Variants in SYN3 observed in about 807,000 individuals in gnomAD.
SYN3 encodes the protein synapsin III.
SYN3 carries 35 observed loss-of-function variants against 65.8 expected under a neutral mutation model. That is an observed-to-expected ratio of 0.53 (90% CI 0.41 to 0.70). SYN3 has a LOEUF of 0.70. Among genes scored for constraint, SYN3 ranks in the 30% least tolerant of loss-of-function variants. The probability of loss-of-function intolerance (pLI) is 0.00; values close to 1 mark genes in which losing one functional copy is unlikely to be tolerated. For synonymous variants in SYN3, 270 were observed against 292.9 expected (o/e 0.92, Z 0.80); for missense variants, 680 against 749.0 (o/e 0.91, Z 1.08).
chr22:32,744,962 A>G (rs1403764279), intron 6 of SYN3, among the ~76,000 whole-genome samples: 1 of 152,186 alleles, frequency 6.6e-6, no homozygotes, highest in African/African-American at 2.4e-5. Context: ...AGCAATGTTT[A>G]CGGGGCACCC....
chr22:32,547,631 T>C (rs2058354395), intron 7 of SYN3, among the ~76,000 whole-genome samples: 1 of 152,186 alleles, frequency 6.6e-6, no homozygotes, highest in Non-Finnish European at 1.5e-5. Context: ...GCATGTGTGC[T>C]CTGTCCTGAG....
chr22:32,664,584 C>CGTTTTT, intron 6 of SYN3, among the ~76,000 whole-genome samples: 1 of 69,056 alleles, frequency 1.4e-5, no homozygotes, highest in African/African-American at 7.4e-5. Flanking sequence ...CAATTGGTCG[C>CGTTTTT]TTTTTTTTTT....
chr22:32,781,047 CCCTCCCTCCCTCCCTT>C (rs146482803), intron 6 of SYN3, among the ~76,000 whole-genome samples: 69,041 of 118,590 alleles, frequency 0.58, 20,391 homozygotes, highest in East Asian at 0.88. Flanking sequence ...TCTTTCCCCT[CCCTCCCTCCCTCCCTT>C]CCTCCCTCCC....
intron 6 of SYN3, among the ~76,000 whole-genome samples, chr22:32,839,757 C>T (rs561909693): frequency 6.6e-6 from 1 of 152,294 alleles, no homozygotes; most frequent in East Asian, 1.9e-4. Context: ...GAGGTTGCCC[C>T]TTAACACATG....
rs190427543 is a variant in SYN3 at position 32,788,591 on chromosome 22, C to T, written c.711+76324G>A. ...ATTTAAAAATACAGTATAACAACTACTTAGTATTTACATTGTATTAGATAT... is the reference window on the plus strand; with the variant it reads ...ATTTAAAAATACAGTATAACAACTATTTAGTATTTACATTGTATTAGATAT... On this transcript the variant is annotated intron_variant, in intron 6 of 13. Coordinates refer to ENST00000358763, the MANE Select transcript of SYN3 (RefSeq NM_003490.4). Among the ~76,000 whole-genome samples, 201 of 152,006 alleles carry T rather than the reference C, an allele frequency of 1.3e-3. No individual in the cohort carries two copies. In the Middle Eastern group the frequency reaches 0.02, roughly 15 times the overall value.
chr22:32,942,304 G>A (rs554118596), intron 3 of SYN3, among the ~76,000 whole-genome samples: 1 of 152,246 alleles, frequency 6.6e-6, no homozygotes, highest in Non-Finnish European at 1.5e-5. Context: ...TCGCTGTTCT[G>A]CAGCCTCTGC....
At chr22:32,845,528 G>T (rs2146219330) in intron 6 of SYN3, among the ~76,000 whole-genome samples, 1 of 152,258 alleles carries the variant, frequency 6.6e-6, no homozygotes, top group Admixed American at 6.5e-5. Context: ...CACTAGACTA[G>T]CCATCAGTGG....
intron 6 of SYN3, among the ~76,000 whole-genome samples, chr22:32,729,313 G>A (rs1448575496): frequency 6.6e-6 from 1 of 152,200 alleles, no homozygotes; most frequent in African/African-American, 2.4e-5. Flanking sequence ...ACGGTGTGGG[G>A]GCAAAAGCGT....
intron 2 of SYN3, among the ~76,000 whole-genome samples, chr22:32,997,744 C>T (rs76377744): frequency 0.014 from 2,171 of 152,008 alleles, 53 homozygotes; most frequent in African/African-American, 0.05. Context: ...AGAATGCCAC[C>T]GGCCGGGCGC....
intron 2 of SYN3, among the ~76,000 whole-genome samples, chr22:32,985,681 G>A (rs2052505183): frequency 6.6e-6 from 1 of 152,086 alleles, no homozygotes; most frequent in Non-Finnish European, 1.5e-5. Flanking sequence ...CCAGAGCCCT[G>A]GCGTCCTTCA....
chr22:32,991,282 G>A (rs2052706079), intron 2 of SYN3, among the ~76,000 whole-genome samples: 1 of 151,236 alleles, frequency 6.6e-6, no homozygotes, highest in Non-Finnish European at 1.5e-5. Flanking sequence ...AGGTTGCAGT[G>A]AGCCAAGCTT....
chr22:32,787,208 C>T (rs1283782509), intron 6 of SYN3, among the ~76,000 whole-genome samples: 1 of 151,908 alleles, frequency 6.6e-6, no homozygotes, highest in East Asian at 1.9e-4. Flanking sequence ...CCACCACACC[C>T]GGCTAATTTT....
At chr22:33,009,750 AAACAC>A (rs932250306) in intron 1 of SYN3, among the ~76,000 whole-genome samples, 15 of 106,150 alleles carry the variant, frequency 1.4e-4, no homozygotes, top group Admixed American at 5.5e-4. Flanking sequence ...ATACGTATCT[AAACAC>A]ACACACACAC....
rs139881526 is a variant in SYN3, at chr22:32,973,989, A to T, written c.369+6656T>A. ...TTTTTAGTAGAAACAGGGTTTCGCC[A>T]TGTTGGCTAGGCTGGTCTTGAATTT... On this transcript the variant is annotated intron_variant, in intron 3 of 13. Coordinates refer to ENST00000358763, the MANE Select transcript of SYN3 (RefSeq NM_003490.4). 5.5e-3 allele frequency among the ~76,000 whole-genome samples: 838 copies of T among 152,230 alleles called. 3 individuals carry two copies. Among genetic ancestry groups the T allele is most frequent in the African/African-American group, 0.018 (764 of 41,532 alleles).
intron 1 of SYN3, among the ~76,000 whole-genome samples, chr22:33,024,894 T>C (rs2053614828): frequency 6.6e-6 from 1 of 152,220 alleles, no homozygotes. Context: ...TCTGAATTAC[T>C]GCAGTCCTAA....
At chr22:32,945,114 G>A (rs2051065170) in intron 3 of SYN3, among the ~76,000 whole-genome samples, 1 of 152,146 alleles carries the variant, frequency 6.6e-6, no homozygotes, top group African/African-American at 2.4e-5. Context: ...TGGCCATACT[G>A]CCCAAGGCAA....
At chr22:32,547,160 T>C (rs572134210) in intron 7 of SYN3, among the ~76,000 whole-genome samples, 3 of 150,296 alleles carry the variant, frequency 2.0e-5, no homozygotes, top group Admixed American at 1.3e-4. Flanking sequence ...CTTTGTCGTA[T>C]TTTTTGTAGA....
At chr22:32,581,095 A>T (rs948905907) in intron 7 of SYN3, among the ~76,000 whole-genome samples, 1 of 152,146 alleles carries the variant, frequency 6.6e-6, no homozygotes, top group Non-Finnish European at 1.5e-5. Flanking sequence ...TCCACTAGGG[A>T]CATTTACTGG....
chr22:32,549,106 C>A (rs1186843729), intron 7 of SYN3, among the ~76,000 whole-genome samples: 1 of 152,112 alleles, frequency 6.6e-6, no homozygotes, highest in Admixed American at 6.5e-5. Context: ...ACTGCTGACC[C>A]ACATGCTCCT....
Sources: gnomAD v4.1 joint callset for allele counts (sites outside exome capture counted in the v4.1 genomes callset) on GRCh38, gnomAD v4.1.1 for gene constraint, MANE v1.5 for transcripts, NCBI Gene and HGNC (gene_info 2026-07-23, HGNC 2026-07-21) for gene names.